DST: variants seen among roughly 807,000 people sequenced by gnomAD.
DST encodes bullous pemphigoid antigen.
DST carries 253 observed loss-of-function variants against 875.2 expected under a neutral mutation model. That is an observed-to-expected ratio of 0.29 (90% CI 0.26 to 0.32). The LOEUF is 0.32. DST is among the 10% of genes least tolerant of loss of function. The pLI, the probability that DST is intolerant of heterozygous loss-of-function variation, is 1.00. For missense variants in DST, 8,287 were observed against 9,111.6 expected, an observed-to-expected ratio of 0.91 and a Z score of 3.68; for synonymous variants, 3,124 against 3,197.1, an observed-to-expected ratio of 0.98 and a Z score of 0.77.
At position 56,923,550 on chromosome 6, in the gene DST, T is replaced by C. The variant is rs555847908; in HGVS notation, c.217-22929A>G. Among the ~76,000 whole-genome samples, 9 of 150,536 alleles carry C rather than the reference T, an allele frequency of 6.0e-5. No individual in the cohort carries two copies. In the South Asian group the frequency reaches 1.3e-3, roughly 21 times the overall value. On this transcript the variant is annotated intron_variant, in intron 2 of 103. Coordinates refer to ENST00000680361, the MANE Select transcript of DST (RefSeq NM_001374736.1). ...GAAACAAAACAGATAAGGAACTGGCTCAGGCAATTTGGAGGCTGGTTAATT... is the reference window on the plus strand; with the variant it reads ...GAAACAAAACAGATAAGGAACTGGCCCAGGCAATTTGGAGGCTGGTTAATT...
chr6:56,632,871 A>G lies in DST; in HGVS notation c.3788T>C (p.Leu1263Pro), dbSNP rs2098793394. 6.2e-7 allele frequency: 1 copy of G among 1,613,852 alleles called. No homozygotes were observed. The highest frequency in any genetic ancestry group is 1.7e-5 in the Admixed American group (1 of 60,028). ...TGCTTTACCTCTTTCTGCAGATTTA[A>G]GAAGTTCTTGATAATACTGCTTACA... ...NVCKQYYQEL[L>P]KSAEREEQEE... is the part of the protein sequence containing the mutation. Residue 1263 changes from leucine (L) to proline (P), a missense_variant, in exon 28 of 104, where the codon CTT (leucine) becomes CCT (proline). Coordinates refer to ENST00000680361, the MANE Select transcript of DST (RefSeq NM_001374736.1).
rs566696012 is a variant in DST at position 56,774,715 on chromosome 6, G to A, written c.626-39426C>T. Among the ~76,000 whole-genome samples the A allele has an allele frequency of 2.6e-4, 40 of 152,228 alleles. 1 individual carries two copies. The South Asian group carries it at 7.5e-3, about 28-fold the overall frequency. On this transcript the variant is annotated intron_variant, in intron 4 of 103. Coordinates refer to ENST00000680361, the MANE Select transcript of DST (RefSeq NM_001374736.1). ...TTATACAAAGAAGAAATACAAGGCC[G>A]GGCATGATGGCTCACGCCTCTAATC...
At position 56,934,774 on chromosome 6, in the gene DST, T is replaced by C. The variant is rs1812168460; in HGVS notation, c.216+19011A>G. ...TGACCCTTCCAATAACTTCCAACTC[T>C]CAGTTTAACATATACTCAGAAAACA... is the stretch of plus-strand genomic sequence containing the variant. On this transcript the variant is annotated intron_variant, in intron 2 of 103. Coordinates refer to ENST00000680361, the MANE Select transcript of DST (RefSeq NM_001374736.1). Among the ~76,000 whole-genome samples the C allele has an allele frequency of 2.0e-5, 3 of 150,826 alleles. No individual in the cohort carries two copies. In the South Asian group the frequency reaches 6.3e-4, roughly 32 times the overall value.
chr6:56,646,997 C>T (rs2098946645), intron 13 of DST, among the ~76,000 whole-genome samples: 2 of 152,140 alleles, frequency 1.3e-5, no homozygotes, highest in African/African-American at 4.8e-5. Context: ...CTGGCATTTC[C>T]CCATGATGTA....
rs137982086 is a variant in DST, at chr6:56,714,516, G to C, written c.688-10147C>G. Among the ~76,000 whole-genome samples the C allele has an allele frequency of 3.5e-4, 54 of 152,280 alleles. No individual in the cohort carries two copies. The East Asian group carries it at 9.6e-3, about 27-fold the overall frequency. ...TCTTACTAAAGCTGAAATCTAAGTG[G>C]AAGTTATTTTCTCTCCAGCCCCTGT... On this transcript the variant is annotated intron_variant, in intron 5 of 103. Coordinates refer to ENST00000680361, the MANE Select transcript of DST (RefSeq NM_001374736.1). The surrounding 1 kb of genome is among the most constrained non-coding windows in gnomAD (Gnocchi z 4.5).
At chr6:56,674,467 C>A (rs538769572) in intron 9 of DST, among the ~76,000 whole-genome samples, 1 of 151,978 alleles carries the variant, frequency 6.6e-6, no homozygotes, top group African/African-American at 2.4e-5. Flanking sequence ...CTGGCAATTT[C>A]TGTATTTTTA....
intron 2 of DST, among the ~76,000 whole-genome samples, chr6:56,921,494 C>A (rs1255046291): frequency 1.3e-5 from 2 of 152,274 alleles, no homozygotes; most frequent in South Asian, 2.1e-4. Context: ...CAATGCATTT[C>A]TTCCATTTGA....
chr6:56,606,610 C>T lies in DST; in HGVS notation c.8018G>A (p.Gly2673Glu), dbSNP rs1218226090. ...CACACTTAAGCTACCAACTGGTGCC[C>T]CCTGGGGAACCATGGAATTTTCATT... is the stretch of plus-strand genomic sequence containing the variant. ...KENENSMVPQ[G>E]APVGSLSVKN... The change falls in exon 40 of 104, where the codon GGG (glycine) becomes GAG (glutamate). Residue 2673 changes from glycine to glutamate, a missense_variant. Transcript: ENST00000680361. The T allele has an allele frequency of 5.6e-6, 9 of 1,613,542 alleles. No individual in the cohort carries two copies. Among genetic ancestry groups the T allele is most frequent in the Non-Finnish European group, 7.6e-6 (9 of 1,179,608 alleles).
chr6:56,869,719 G>A (rs1043358051), intron 3 of DST, among the ~76,000 whole-genome samples: 3 of 152,034 alleles, frequency 2.0e-5, no homozygotes, highest in African/African-American at 7.2e-5. Flanking sequence ...TTTTGAGACA[G>A]GGAATCGCTC....
At position 56,482,780 on chromosome 6, in the gene DST, C is replaced by A; in HGVS notation, c.21305G>T (p.Trp7102Leu). 6.2e-7 allele frequency: 1 copy of A among 1,613,818 alleles called. No homozygotes were observed. The change falls in exon 89 of 104, where the codon TGG (tryptophan) becomes TTG (leucine). Residue 7102 changes from tryptophan (W) to leucine (L), a missense_variant. Transcript: ENST00000680361. ...TAATTCCTGCATCTGGACCTTGACC[C>A]AGGAGGAGTCATCCCGACTGCCTTC... ...LIEGSRDDSSWVKVQMQELST... is the reference protein window; with the variant it reads ...LIEGSRDDSSLVKVQMQELST...
chr6:56,879,226 T>C (rs2127630143), intron 3 of DST, among the ~76,000 whole-genome samples: 1 of 152,110 alleles, frequency 6.6e-6, no homozygotes, highest in Non-Finnish European at 1.5e-5. Context: ...CCCAGCACTT[T>C]GGGAGGCCAA....
intron 100 of DST, chr6:56,464,169 T>C (rs550115027): frequency 1.1e-5 from 4 of 355,974 alleles, no homozygotes; most frequent in African/African-American, 6.3e-5. Flanking sequence ...CTGTGTCTTT[T>C]GCATGTACTA....
At chr6:56,498,993 T>C (rs2096021916) in intron 80 of DST, among the ~76,000 whole-genome samples, 1 of 152,150 alleles carries the variant, frequency 6.6e-6, no homozygotes, top group Admixed American at 6.6e-5. Flanking sequence ...ATGGGGTAAG[T>C]GCAGAAAGCA....
At position 56,553,520 on chromosome 6, in the gene DST, T is replaced by C. The variant is rs1200859469; in HGVS notation, c.15272A>G (p.Asp5091Gly). The change falls in exon 61 of 104, where the codon GAT becomes GGT. Residue 5091 changes from aspartate (D) to glycine (G), a missense_variant. This residue lies in a region of DST where 1,513 missense variants were observed against 1,677.8 expected (regional missense o/e 0.90). Coordinates refer to ENST00000680361, the MANE Select transcript of DST (RefSeq NM_001374736.1). ...NKSHPISAKL[D>G]VLESLIKDHK... ...ATCTTTAATTAATGACTCCAAGACA[T>C]CGAGTTTGGCAGATATTGGATGAGA... 2 of 1,613,962 alleles carry C rather than the reference T, an allele frequency of 1.2e-6. No individual in the cohort carries two copies. Among genetic ancestry groups the C allele is most frequent in the Admixed American group, 1.7e-5 (1 of 60,026 alleles).
At chr6:56,649,310 A>G (rs1212530079) in intron 12 of DST, among the ~76,000 whole-genome samples, 1 of 152,212 alleles carries the variant, frequency 6.6e-6, no homozygotes, top group African/African-American at 2.4e-5. Context: ...GAGTGTTATA[A>G]TAAAAAAATA....
chr6:56,602,795 TAGCAAA>T, intron 43 of DST, 81 bp downstream of exon 43: 1 of 1,041,422 alleles, frequency 9.6e-7, no homozygotes, highest in Non-Finnish European at 1.3e-6. Flanking sequence ...TTTGTAGCCT[TAGCAAA>T]GTCATATTTT....
intron 4 of DST, among the ~76,000 whole-genome samples, chr6:56,770,746 A>G (rs1327800051): frequency 6.6e-6 from 1 of 152,186 alleles, no homozygotes; most frequent in African/African-American, 2.4e-5. Flanking sequence ...CATGCCTGTA[A>G]TCCCAACACT....
chr6:56,950,403 T>C (rs1204403921), intron 2 of DST, among the ~76,000 whole-genome samples: 1 of 152,210 alleles, frequency 6.6e-6, no homozygotes, highest in Non-Finnish European at 1.5e-5. Context: ...TTTCTTATAA[T>C]CTAATGGTAC....
intron 97 of DST, among the ~76,000 whole-genome samples, chr6:56,469,504 G>A (rs182756338): frequency 2.6e-5 from 4 of 152,148 alleles, no homozygotes; most frequent in African/African-American, 7.2e-5. Flanking sequence ...TTATTAAAAT[G>A]AGTCCATATT....
Sources: allele counts gnomAD v4.1 joint callset (sites outside exome capture counted in the v4.1 genomes callset), GRCh38; gene constraint gnomAD v4.1.1; regional missense constraint gnomAD v4.1.1; non-coding constraint Gnocchi (gnomAD v3.1); transcripts MANE v1.5; gene names NCBI Gene and HGNC (gene_info 2026-07-23, HGNC 2026-07-21).